MGMT: variants seen among roughly 807,000 people sequenced by gnomAD.
MGMT encodes methylated-DNA--protein-cysteine methyltransferase.
In MGMT, 14 loss-of-function variants were observed where a neutral mutation model predicts 15.9. The observed-to-expected ratio is 0.88, with a 90% CI of 0.58 to 1.37. The LOEUF is 1.37. MGMT is among the 40% of genes most tolerant of loss of function. The pLI is 0.00. For missense variants in MGMT, 282 were observed against 268.1 expected, an observed-to-expected ratio of 1.05 and a Z score of -0.36; for synonymous variants, 130 against 118.2, an observed-to-expected ratio of 1.10 and a Z score of -0.65.
intron 2 of MGMT, among the ~76,000 whole-genome samples, chr10:129,577,337 G>T (rs1358857584): frequency 3.9e-5 from 6 of 152,052 alleles, no homozygotes; most frequent in Non-Finnish European, 8.8e-5. Flanking sequence ...CCAAAACAGA[G>T]ATATAGACCA....
chr10:129,512,702 T>C (rs1327429928), intron 1 of MGMT, among the ~76,000 whole-genome samples: 4 of 152,242 alleles, frequency 2.6e-5, no homozygotes, highest in Admixed American at 6.5e-5. Context: ...TGAATTGTAG[T>C]CTGTGCCGTT....
intron 1 of MGMT, among the ~76,000 whole-genome samples, chr10:129,499,798 C>T (rs934041409): frequency 1.3e-5 from 2 of 152,174 alleles, no homozygotes; most frequent in Admixed American, 1.3e-4. Context: ...AATCTGATCA[C>T]GAGACTCCTG....
At chr10:129,591,892 C>T (rs1291990327) in intron 2 of MGMT, among the ~76,000 whole-genome samples, 1 of 152,180 alleles carries the variant, frequency 6.6e-6, no homozygotes, top group Non-Finnish European at 1.5e-5. Context: ...GATGGCGCCA[C>T]TGCACTCCAG....
intron 2 of MGMT, among the ~76,000 whole-genome samples, chr10:129,539,928 T>G (rs953372869): frequency 9.9e-5 from 15 of 152,250 alleles, no homozygotes; most frequent in Non-Finnish European, 2.1e-4. Flanking sequence ...AGGTGTAAAT[T>G]TCTGCAATGA....
At chr10:129,513,007 A>C (rs1537692) in intron 1 of MGMT, among the ~76,000 whole-genome samples, 5,727 of 152,360 alleles carry the variant, frequency 0.038, 166 homozygotes, top group South Asian at 0.066. Flanking sequence ...ACAAACGTCT[A>C]TCTGTGAGTG....
chr10:129,743,239 C>G (rs898777957), intron 3 of MGMT, among the ~76,000 whole-genome samples: 1 of 152,242 alleles, frequency 6.6e-6, no homozygotes. Flanking sequence ...TTCGCCATCA[C>G]CTCACTCAGG....
rs555632351 is a variant in MGMT at position 129,486,168 on chromosome 10, T to C, written c.-13+18872T>C. Among the ~76,000 whole-genome samples the C allele has an allele frequency of 4.9e-3, 669 of 136,748 alleles. 5 individuals are homozygous for C. The highest frequency in any genetic ancestry group is 0.019 in the African/African-American group (627 of 33,382). The allele number at this position is 136,748 out of a possible 152,430, so 89.7% of individuals were successfully genotyped here. On this transcript the variant is annotated intron_variant, in intron 1 of 4. Transcript: ENST00000651593. ...TGTGGTTCTGTTCTTCTCTGTTCTC[T>C]TCTCTTCTCTTTTTTTTTTTTTTTT...
intron 1 of MGMT, among the ~76,000 whole-genome samples, chr10:129,517,541 C>T (rs1349592324): frequency 6.6e-6 from 1 of 152,218 alleles, no homozygotes; most frequent in Non-Finnish European, 1.5e-5. Flanking sequence ...GTCTGCTTTA[C>T]TGTTCACGGG....
intron 1 of MGMT, among the ~76,000 whole-genome samples, chr10:129,529,126 G>T (rs1369065728): frequency 6.6e-6 from 1 of 151,962 alleles, no homozygotes; most frequent in Non-Finnish European, 1.5e-5. Flanking sequence ...GAGCGGTAGA[G>T]CGGAGGCTGT....
At chr10:129,674,391 C>T (rs1228324724) in intron 2 of MGMT, among the ~76,000 whole-genome samples, 2 of 152,176 alleles carry the variant, frequency 1.3e-5, no homozygotes, top group East Asian at 1.9e-4. Context: ...AGTCACGAAT[C>T]GGCTATCTGC....
At chr10:129,626,887 G>A (rs954886282) in intron 2 of MGMT, among the ~76,000 whole-genome samples, 27 of 152,196 alleles carry the variant, frequency 1.8e-4, no homozygotes, top group Non-Finnish European at 4.0e-4. Flanking sequence ...GGAGATGCAG[G>A]GAAGGCTTCT....
intron 1 of MGMT, among the ~76,000 whole-genome samples, chr10:129,484,583 T>C (rs1845389652): frequency 6.6e-6 from 1 of 152,194 alleles, no homozygotes. Flanking sequence ...ATCTCTACTT[T>C]TCTGGGTTTG....
chr10:129,738,725 A>T (rs1848595374), intron 3 of MGMT, among the ~76,000 whole-genome samples: 1 of 152,242 alleles, frequency 6.6e-6, no homozygotes, highest in Non-Finnish European at 1.5e-5. Flanking sequence ...TACCAGAGGT[A>T]CAAAGAAGAG....
chr10:129,672,135 T>G (rs1397980359), intron 2 of MGMT, among the ~76,000 whole-genome samples: 1 of 152,234 alleles, frequency 6.6e-6, no homozygotes, highest in African/African-American at 2.4e-5. Context: ...TTCAGTTTCT[T>G]TTTTAGAAAA....
At chr10:129,575,230 CT>C (rs539508731) in intron 2 of MGMT, among the ~76,000 whole-genome samples, 2 of 152,064 alleles carry the variant, frequency 1.3e-5, no homozygotes, top group African/African-American at 4.8e-5. Flanking sequence ...ACAGAATATA[CT>C]TTTTTTTCAG....
chr10:129,691,439 G>A (rs908808701), intron 2 of MGMT, among the ~76,000 whole-genome samples: 4 of 152,260 alleles, frequency 2.6e-5, no homozygotes, highest in Admixed American at 6.5e-5. Flanking sequence ...CTGAAGCAGC[G>A]TGTGCACCTG....
chr10:129,638,446 G>GAAAAAAAA (rs1157292152), intron 2 of MGMT, among the ~76,000 whole-genome samples: 3 of 96,318 alleles, frequency 3.1e-5, no homozygotes, highest in East Asian at 4.6e-4. Context: ...AAAAAAAAAA[G>GAAAAAAAA]AAAAAAAAAA....
chr10:129,613,685 TC>T (rs1290368554), intron 2 of MGMT, among the ~76,000 whole-genome samples: 4 of 152,334 alleles, frequency 2.6e-5, no homozygotes, highest in African/African-American at 9.6e-5. Context: ...GAGCCTCCCT[TC>T]CTGGGATGCA....
chr10:129,662,871 A>C (rs1847615446), intron 2 of MGMT, among the ~76,000 whole-genome samples: 2 of 152,356 alleles, frequency 1.3e-5, no homozygotes, highest in South Asian at 4.1e-4. Flanking sequence ...CTCATAATGA[A>C]GATAAAACCC....
Sources: gnomAD v4.1 joint callset for allele counts (sites outside exome capture counted in the v4.1 genomes callset) on GRCh38, gnomAD v4.1.1 for gene constraint, MANE v1.5 for transcripts, NCBI Gene and HGNC (gene_info 2026-07-23, HGNC 2026-07-21) for gene names.